KRT20: variants seen among roughly 807,000 people sequenced by gnomAD.
KRT20 encodes keratin 20, also known as keratin, type I cytoskeletal 20.
KRT20 carries 41 observed loss-of-function variants against 43.0 expected under a neutral mutation model. The observed-to-expected ratio is 0.95, with a 90% confidence interval of 0.74 to 1.24. The LOEUF (loss-of-function observed/expected upper bound fraction) is 1.24, where lower values mean the gene tolerates loss of function less well. Among genes scored for constraint, KRT20 ranks in the 50% most tolerant of loss-of-function variants. The pLI is 0.00. For synonymous variants in KRT20, 207 were observed against 200.6 expected (o/e 1.03, Z -0.27); for missense variants, 533 against 521.2 (o/e 1.02, Z -0.22).
At position 40,882,600 on chromosome 17, in the gene KRT20, T is replaced by C. The variant is rs200769596; in HGVS notation, c.445A>G (p.Lys149Glu). ...AGTCTGAAGTCCTCAGCAGCCAGTT[T>C]AGCATTATCAATTTGCAGGACACAC... The part of the protein sequence containing the change: ...ARCVLQIDNA[K>E]LAAEDFRLKY... Residue 149 changes from lysine (K) to glutamate (E), a missense_variant, in exon 2 of 8, where the codon AAA (lysine) becomes GAA (glutamate). Lys to Glu is a moderately conservative substitution (Grantham distance 56). Coordinates refer to ENST00000167588, the MANE Select transcript of KRT20 (RefSeq NM_019010.3). 714 of 1,573,304 alleles carry C rather than the reference T, an allele frequency of 4.5e-4. 4 individuals carry two copies. In the South Asian group the frequency reaches 6.8e-3, roughly 15 times the overall value.
chr17:40,881,886 T>TTTG (rs1207498234), intron 2 of KRT20, among the ~76,000 whole-genome samples: 3 of 151,878 alleles, frequency 2.0e-5, no homozygotes, highest in Non-Finnish European at 4.4e-5. Context: ...TTCCTTTTTT[T>TTTG]TTTTGAGACA....
At position 40,876,307 on chromosome 17, in the gene KRT20, G is replaced by T; in HGVS notation, c.*54C>A. The T allele has an allele frequency of 8.5e-7, 1 of 1,179,454 alleles. No individual in the cohort carries two copies. Among genetic ancestry groups the T allele is most frequent in the Non-Finnish European group, 1.3e-6 (1 of 784,934 alleles). The allele number at this position is 1,179,454 out of a possible 1,614,324, so 73.1% of individuals were successfully genotyped here. A position where few individuals can be genotyped will look rare whatever the true frequency, so the allele number is the denominator to read the frequency against. ...GATTTCTTGCAGGGAGCAAAGATAAGATTATAGCCAAATTTCTTTCAAAAC... is the reference window on the plus strand; with the variant it reads ...GATTTCTTGCAGGGAGCAAAGATAATATTATAGCCAAATTTCTTTCAAAAC... On this transcript the variant is annotated 3_prime_UTR_variant, in exon 8 of 8. Coordinates refer to ENST00000167588, the MANE Select transcript of KRT20 (RefSeq NM_019010.3).
At chr17:40,877,443 GA>G (rs1277067560) in intron 6 of KRT20, 26 bp from the exon 7 acceptor site, 2 of 1,399,946 alleles carry the variant, frequency 1.4e-6, no homozygotes, top group Non-Finnish European at 9.6e-7. Flanking sequence ...ATGAAAAGAA[GA>G]AAAAAGAAAC....
chr17:40,878,958 T>C (rs2143300451), intron 5 of KRT20, among the ~76,000 whole-genome samples: 1 of 152,234 alleles, frequency 6.6e-6, no homozygotes, highest in South Asian at 2.1e-4. Context: ...CACACCACCA[T>C]GCCCAGCTTA....
In KRT20 at chr17:40,878,335, TCTC is replaced by T; in HGVS notation, c.946_948del (p.Glu316del). On this transcript the variant is annotated inframe_deletion, in exon 6 of 8. Coordinates refer to ENST00000167588, the MANE Select transcript of KRT20 (RefSeq NM_019010.3). ...AACTGGCTGCTGTAACGGGCCTTGGTCTCCTCTAGAGTGTGCTCCAAAGACTCT... is the reference window on the plus strand; with the variant it reads ...AACTGGCTGCTGTAACGGGCCTTGGTCTCTAGAGTGTGCTCCAAAGACTCT... 1.2e-6 allele frequency: 2 copies of T among 1,614,140 alleles called. No homozygotes were observed. The highest frequency in any genetic ancestry group is 1.7e-6 in the Non-Finnish European group (2 of 1,180,014).
intron 5 of KRT20, 130 bp downstream of exon 5, chr17:40,879,683 G>T: frequency 5.2e-6 from 5 of 953,356 alleles, no homozygotes; most frequent in South Asian, 1.8e-5. Context: ...TCAGTTGTTC[G>T]GCCTGTTTCC....
chr17:40,880,473 A>G (rs1907545676), intron 3 of KRT20, 141 bp downstream of exon 3: 5 of 819,574 alleles, frequency 6.1e-6, no homozygotes, highest in Non-Finnish European at 9.4e-6. Flanking sequence ...TAGGGCTTGT[A>G]TCATTATTGT....
chr17:40,881,763 G>A (rs956966813), intron 2 of KRT20, among the ~76,000 whole-genome samples: 3 of 152,220 alleles, frequency 2.0e-5, no homozygotes, highest in Non-Finnish European at 4.4e-5. Flanking sequence ...AATTCAGGAT[G>A]AAGAGGCCTT....
Position 40,880,527 on chromosome 17 carries a change from T to C in KRT20, c.630+87A>G, listed in dbSNP as rs1907548113. The C allele has an allele frequency of 1.7e-6, 2 of 1,177,668 alleles. 1 individual carries two copies. The highest frequency in any genetic ancestry group is 2.8e-5 in the South Asian group (2 of 72,070). 73.0% of individuals were successfully genotyped at this position (1,177,668 alleles called of 1,614,324 possible). A position where few individuals can be genotyped will look rare whatever the true frequency, so the allele number is the denominator to read the frequency against. On this transcript the variant is annotated intron_variant, in intron 3 of 7. Transcript: ENST00000167588. ...CACTATCACCACCAACTCTTCCCCC[T>C]TCTCCTGTTTCTCCCGCTCCTCCTA...
intron 4 of KRT20, 79 bp downstream of exon 4, chr17:40,880,021 A>C: frequency 6.3e-7 from 1 of 1,595,000 alleles, no homozygotes; most frequent in South Asian, 1.1e-5. Flanking sequence ...AGAATGAACA[A>C]ATGAAAAAGA....
chr17:40,878,345 AGTGT>A lies in KRT20; in HGVS notation c.935_938del (p.His312LeufsTer2). On this transcript the variant is annotated frameshift_variant, in exon 6 of 8. Coordinates refer to ENST00000167588, the MANE Select transcript of KRT20 (RefSeq NM_019010.3). LOFTEE classifies it high-confidence loss of function. ...TGTAACGGGCCTTGGTCTCCTCTAGAGTGTGCTCCAAAGACTCTTTCTATGAGCA... is the reference window on the plus strand; with the variant it reads ...TGTAACGGGCCTTGGTCTCCTCTAGAGCTCCAAAGACTCTTTCTATGAGCA... 6.2e-7 allele frequency: 1 copy of A among 1,614,058 alleles called. No homozygotes were observed. The highest frequency in any genetic ancestry group is 2.2e-5 in the East Asian group (1 of 44,878).
intron 6 of KRT20, among the ~76,000 whole-genome samples, chr17:40,877,770 C>CTTATTG (rs1907409240): frequency 6.6e-6 from 1 of 152,180 alleles, no homozygotes; most frequent in African/African-American, 2.4e-5. Flanking sequence ...CTCAGACTGG[C>CTTATTG]TCCCGTGGAC....
chr17:40,878,186 T>A lies in KRT20; in HGVS notation c.1098A>T (p.Glu366Asp). 2 of 1,614,082 alleles carry A rather than the reference T, an allele frequency of 1.2e-6. No individual in the cohort carries two copies. Among genetic ancestry groups the A allele is most frequent in the Non-Finnish European group, 1.7e-6 (2 of 1,180,006 alleles). ...CCAGAAGGCGGCGGTAAGTAGCAAT[T>A]TCCTGTTCAAGTCGAGTCTTTATGT... ...LLDIKTRLEQ[E>D]IATYRRLLEG... The change falls in exon 6 of 8, where the codon GAA (glutamate) becomes GAT (aspartate). Residue 366 changes from glutamate to aspartate, a missense_variant. Physicochemically the swap from Glu to Asp is conservative, Grantham distance 45. Transcript: ENST00000167588.
intron 2 of KRT20, among the ~76,000 whole-genome samples, chr17:40,881,580 T>TA (rs1907600845): frequency 6.6e-6 from 1 of 152,094 alleles, no homozygotes; most frequent in Non-Finnish European, 1.5e-5. Flanking sequence ...TATCCAACTT[T>TA]AAAAAATGAC....
intron 2 of KRT20, among the ~76,000 whole-genome samples, chr17:40,881,899 G>T (rs940345547): frequency 7.0e-6 from 1 of 141,908 alleles, no homozygotes; most frequent in African/African-American, 2.7e-5. Flanking sequence ...TTGAGACAAG[G>T]TCTCAGTCTG....
chr17:40,878,221 T>C lies in KRT20; in HGVS notation c.1063A>G (p.Ile355Val). 1 of 1,614,088 alleles carries C rather than the reference T, an allele frequency of 6.2e-7. No individual in the cohort carries two copies. Among genetic ancestry groups the C allele is most frequent in the Non-Finnish European group, 8.5e-7 (1 of 1,180,006 alleles). The change falls in exon 6 of 8, where the codon ATC becomes GTC. Residue 355 changes from isoleucine to valine, a missense_variant. Transcript: ENST00000167588. ...NMERQNNEYH[I>V]LLDIKTRLEQ... ...AGTCGAGTCTTTATGTCAAGAAGGA[T>C]ATGGTATTCGTTGTTCTGGCGTTCC...
chr17:40,885,198 G>C lies in KRT20; in HGVS notation c.-13C>G. ...GACTGAAATCCATTGGAGATTCCAG[G>C]AGGGAGCACCTGTAGCTTCAGGATG... On this transcript the variant is annotated 5_prime_UTR_variant, in exon 1 of 8. Transcript: ENST00000167588. The C allele has an allele frequency of 1.3e-6, 2 of 1,583,602 alleles. No individual in the cohort carries two copies. The highest frequency in any genetic ancestry group is 2.2e-5 in the South Asian group (2 of 89,340).
Position 40,885,148 on chromosome 17 carries a change from C to T in KRT20, c.38G>A (p.Ser13Asn). The T allele has an allele frequency of 1.9e-6, 3 of 1,609,154 alleles. No individual in the cohort carries two copies. Among genetic ancestry groups the T allele is most frequent in the Non-Finnish European group, 2.5e-6 (3 of 1,177,712 alleles). The part of the protein sequence containing the change: ...FSRRSFHRSL[S>N]SSLQAPVVST... ...GACTACAGGGGCCTGCAAGGAGGAG[C>T]TCAGGCTTCTGTGGAAGCTTCTGCG... Residue 13 changes from serine (S) to asparagine (N), a missense_variant, in exon 1 of 8, where the codon AGC (serine) becomes AAC (asparagine). Physicochemically the swap from Ser to Asn is conservative, Grantham distance 46 (BLOSUM62 1). Transcript: ENST00000167588.
chr17:40,880,811 A>T, intron 2 of KRT20, 41 bp from the exon 3 acceptor site: 1 of 1,416,712 alleles, frequency 7.1e-7, no homozygotes, highest in Non-Finnish European at 9.3e-7. Context: ...GGTCCTTCTG[A>T]AGCCATTATA....
Sources: gnomAD v4.1 joint callset for allele counts (sites outside exome capture counted in the v4.1 genomes callset) on GRCh38, gnomAD v4.1.1 for gene constraint, MANE v1.5 for transcripts, NCBI Gene and HGNC (gene_info 2026-07-23, HGNC 2026-07-21) for gene names.